The following SLC44A3 variants were observed in gnomAD, a reference collection of about 807,000 sequenced individuals.
SLC44A3 encodes solute carrier family 44 member 3.
SLC44A3 carries 74 observed loss-of-function variants against 75.4 expected under a neutral mutation model. That is an observed-to-expected ratio of 0.98 (90% confidence interval 0.81 to 1.19). The LOEUF (loss-of-function observed/expected upper bound fraction) is 1.19, where lower values mean the gene tolerates loss of function less well. SLC44A3 is among the 50% of genes most tolerant of loss of function. The probability of loss-of-function intolerance (pLI) is 0.00; values close to 1 mark genes in which losing one functional copy is unlikely to be tolerated. For missense variants in SLC44A3, 700 were observed against 778.6 expected (o/e 0.90, Z 1.20); for synonymous variants, 310 against 296.9 (o/e 1.04, Z -0.45).
chr1:94,894,275 G>A (rs998767255), intron 14 of SLC44A3, among the ~76,000 whole-genome samples: 1 of 152,174 alleles, frequency 6.6e-6, no homozygotes, highest in Non-Finnish European at 1.5e-5. Flanking sequence ...ATGCTGAACT[G>A]AAGAAGCCTC....
intron 5 of SLC44A3, among the ~76,000 whole-genome samples, chr1:94,830,228 T>A (rs1221218687): frequency 6.6e-6 from 1 of 152,222 alleles, no homozygotes; most frequent in Non-Finnish European, 1.5e-5. Flanking sequence ...ATTCTTTTTT[T>A]TGAGACAGAG....
rs565961836 is a variant in SLC44A3, at chr1:94,836,536, C to T, written c.510-1175C>T. 5.4e-4 allele frequency among the ~76,000 whole-genome samples: 82 copies of T among 152,334 alleles called. 1 individual carries two copies. The highest frequency in any genetic ancestry group is 9.6e-4 in the Non-Finnish European group (65 of 68,032). ...CACAGCTTCTGTCTCATCCAGTTCA[C>T]ATCCCTAATAGTTCCTTACAGAAAT... On this transcript the variant is annotated intron_variant, in intron 5 of 14. Coordinates refer to ENST00000271227, the MANE Select transcript of SLC44A3 (RefSeq NM_001114106.3).
rs188794734 is a variant in SLC44A3 at position 94,821,885 on chromosome 1, A to G, written c.135+829A>G. On this transcript the variant is annotated intron_variant, in intron 2 of 14. Transcript: ENST00000271227. ...ATCATGTTTGTTCTTTCCAAGTAAGAAAGGCATTTGTTCACTTATGACCCG... is the reference window on the plus strand; with the variant it reads ...ATCATGTTTGTTCTTTCCAAGTAAGGAAGGCATTTGTTCACTTATGACCCG... 2.1e-3 allele frequency among the ~76,000 whole-genome samples: 324 copies of G among 152,312 alleles called. 2 individuals are homozygous for G. The highest frequency in any genetic ancestry group is 7.3e-3 in the African/African-American group (305 of 41,556).
intron 9 of SLC44A3, among the ~76,000 whole-genome samples, chr1:94,847,387 C>A (rs148938299): frequency 6.6e-6 from 1 of 152,172 alleles, no homozygotes; most frequent in Non-Finnish European, 1.5e-5. Flanking sequence ...GCGAGCATGC[C>A]CCTCCCAGAA....
At chr1:94,842,716 C>T (rs954375447) in intron 8 of SLC44A3, among the ~76,000 whole-genome samples, 1 of 145,010 alleles carries the variant, frequency 6.9e-6, no homozygotes. Flanking sequence ...AATCACAAGG[C>T]CCTGGGGCGG....
chr1:94,837,654 C>T, intron 5 of SLC44A3, 57 bp from the exon 6 acceptor site: 4 of 1,487,332 alleles, frequency 2.7e-6, no homozygotes, highest in Non-Finnish European at 3.6e-6. Context: ...AAATAAACAT[C>T]TTTTAAAGAT....
chr1:94,853,788 AG>A (rs1342808114), intron 9 of SLC44A3, among the ~76,000 whole-genome samples: 1 of 151,946 alleles, frequency 6.6e-6, no homozygotes, highest in Non-Finnish European at 1.5e-5. Context: ...GTTGGGCAGA[AG>A]AAGGGGAAAC....
intron 12 of SLC44A3, chr1:94,889,123 A>G (rs891953467): frequency 3.9e-5 from 6 of 152,076 alleles, no homozygotes; most frequent in Non-Finnish European, 5.9e-5. Context: ...GGAGTTTGGT[A>G]AATTGGGTCA....
At chr1:94,892,883 TC>T (rs1188048808) in intron 14 of SLC44A3, among the ~76,000 whole-genome samples, 3 of 152,210 alleles carry the variant, frequency 2.0e-5, no homozygotes, top group African/African-American at 7.2e-5. Context: ...TAACAGTTGA[TC>T]TTTTTCTAAA....
At chr1:94,883,157 G>T (rs1188157624) in intron 12 of SLC44A3, among the ~76,000 whole-genome samples, 1 of 151,562 alleles carries the variant, frequency 6.6e-6, no homozygotes, top group Non-Finnish European at 1.5e-5. Flanking sequence ...GCCCACAGCA[G>T]GTGTGTGAAG....
Position 94,869,017 on chromosome 1 carries a change from G to A in SLC44A3, c.1482+1600G>A, listed in dbSNP as rs748587309. ...CCATGCCTATACTGCCTGGCCTTGC[G>A]GCCTGAGCAGCTCCACTTTATGTGG... On this transcript the variant is annotated intron_variant, in intron 12 of 14. Transcript: ENST00000271227. 5.0e-4 allele frequency among the ~76,000 whole-genome samples: 76 copies of A among 152,248 alleles called. 2 individuals are homozygous for A. Among genetic ancestry groups the A allele is most frequent in the African/African-American group, 1.7e-3 (70 of 41,464 alleles).
rs550422933 is a variant in SLC44A3 at position 94,840,752 on chromosome 1, A to G, written c.760+715A>G. Reference sequence around the variant, plus strand: ...CTCACCCATTGGCACGTGGGTGCCCACAGTTGTCATGTAAAGGTTCTGACC... The same window carrying G: ...CTCACCCATTGGCACGTGGGTGCCCGCAGTTGTCATGTAAAGGTTCTGACC... On this transcript the variant is annotated intron_variant, in intron 7 of 14. Coordinates refer to ENST00000271227, the MANE Select transcript of SLC44A3 (RefSeq NM_001114106.3). 3.3e-5 allele frequency among the ~76,000 whole-genome samples: 5 copies of G among 152,366 alleles called. No homozygotes were observed. The East Asian group carries it at 9.6e-4, about 29-fold the overall frequency.
intron 7 of SLC44A3, among the ~76,000 whole-genome samples, chr1:94,841,560 C>T (rs547065106): frequency 2.0e-5 from 3 of 152,266 alleles, no homozygotes; most frequent in East Asian, 1.9e-4. Flanking sequence ...TCCCACAGGC[C>T]GTGTAAATTT....
Position 94,845,400 on chromosome 1 carries a change from A to C in SLC44A3, c.1008A>C (p.Thr336=). Residue 336 remains threonine, a synonymous_variant, in exon 9 of 15, where the codon ACA becomes ACC. Transcript: ENST00000271227. ...TCCTGCTGTTCCAGCCACTGTGGACATTTGCCATCCTCATTTTCTTCTGGG... is the reference window on the plus strand; with the variant it reads ...TCCTGCTGTTCCAGCCACTGTGGACCTTTGCCATCCTCATTTTCTTCTGGG... ...APFLLFQPLW[T]FAILIFFWVL... is the part of the protein sequence containing the mutation. The C allele has an allele frequency of 1.2e-6, 2 of 1,614,060 alleles. No individual in the cohort carries two copies. The highest frequency in any genetic ancestry group is 8.5e-7 in the Non-Finnish European group (1 of 1,180,030).
intron 7 of SLC44A3, among the ~76,000 whole-genome samples, chr1:94,841,717 CCCAACCTGTGGGTTAGGTG>C (rs2101058401): frequency 6.6e-6 from 1 of 152,316 alleles, no homozygotes; most frequent in Admixed American, 6.5e-5. Context: ...CGCATCCAGA[CCCAACCTGTGGGTTAGGTG>C]CCTGTGTTCT....
At chr1:94,883,708 C>T (rs1328606364) in intron 12 of SLC44A3, among the ~76,000 whole-genome samples, 3 of 152,214 alleles carry the variant, frequency 2.0e-5, no homozygotes, top group Non-Finnish European at 2.9e-5. Context: ...AGTACTCTAA[C>T]TTCCTAATGT....
At chr1:94,837,919 A>C in intron 6 of SLC44A3, 48 bp downstream of exon 6, 1 of 1,466,212 alleles carries the variant, frequency 6.8e-7, no homozygotes, top group Non-Finnish European at 9.2e-7. Context: ...GGAATGCCAA[A>C]GTTCCTAGCA....
At chr1:94,885,842 T>G (rs1669527846) in intron 12 of SLC44A3, among the ~76,000 whole-genome samples, 1 of 152,206 alleles carries the variant, frequency 6.6e-6, no homozygotes, top group African/African-American at 2.4e-5. Context: ...TATTATTTAT[T>G]ATTAGCGTTA....
intron 7 of SLC44A3, among the ~76,000 whole-genome samples, chr1:94,841,246 A>G (rs561487777): frequency 6.6e-6 from 1 of 152,344 alleles, no homozygotes; most frequent in South Asian, 2.1e-4. Flanking sequence ...AACCACCATC[A>G]TATATGCAGT....
Sources: allele counts gnomAD v4.1 joint callset (sites outside exome capture counted in the v4.1 genomes callset), GRCh38; gene constraint gnomAD v4.1.1; transcripts MANE v1.5; gene names NCBI Gene and HGNC (gene_info 2026-07-23, HGNC 2026-07-21).